MPP7: variants seen among roughly 807,000 people sequenced by gnomAD.
MPP7 encodes the protein MAGUK p55 subfamily member 7.
MPP7 carries 60 observed loss-of-function variants against 76.5 expected under a neutral mutation model. That is an observed-to-expected ratio of 0.78 (90% CI 0.64 to 0.97). MPP7 has a LOEUF of 0.97. Ranked by LOEUF, MPP7 falls within the 50% of genes least tolerant of loss-of-function variation. The pLI is 0.00. For synonymous variants in MPP7, 237 were observed against 244.5 expected, an observed-to-expected ratio of 0.97 and a Z score of 0.29; for missense variants, 641 against 694.0, an observed-to-expected ratio of 0.92 and a Z score of 0.86.
chr10:28,301,277 C>CA (rs997142302), intron 1 of MPP7, among the ~76,000 whole-genome samples: 1 of 151,952 alleles, frequency 6.6e-6, no homozygotes, highest in Non-Finnish European at 1.5e-5. Context: ...CTATTCAATT[C>CA]AAAAAAAGGT....
At chr10:28,183,632 A>T (rs948518723) in intron 3 of MPP7, among the ~76,000 whole-genome samples, 1 of 152,166 alleles carries the variant, frequency 6.6e-6, no homozygotes, top group South Asian at 2.1e-4. Context: ...AGCAAAAAAT[A>T]AAGAATTAGC....
At chr10:28,307,414 T>C (rs891201612), upstream of MPP7, 1 of 152,170 alleles carries the variant, frequency 6.6e-6, no homozygotes, top group Non-Finnish European at 1.5e-5. Flanking sequence ...AAAGAGCAAA[T>C]GCTCCTGCCA....
intron 3 of MPP7, among the ~76,000 whole-genome samples, chr10:28,198,552 G>A: frequency 6.6e-6 from 1 of 150,560 alleles, no homozygotes. Flanking sequence ...TCCAGCCTGG[G>A]CAACAGAGCA....
chr10:28,313,272 G>A (rs1301925986), intron 2 of MPP7, among the ~76,000 whole-genome samples: 1 of 152,118 alleles, frequency 6.6e-6, no homozygotes, highest in African/African-American at 2.4e-5. Context: ...TTGGGAGGCC[G>A]AGGCAGGAAG....
intron 5 of MPP7, among the ~76,000 whole-genome samples, chr10:28,143,855 C>G (rs1835609145): frequency 1.5e-5 from 2 of 134,448 alleles, no homozygotes; most frequent in African/African-American, 2.8e-5. Context: ...CAATCGTGTG[C>G]TGTGTGTGTG....
intron 2 of MPP7, among the ~76,000 whole-genome samples, chr10:28,222,891 A>G (rs1838563511): frequency 6.7e-6 from 1 of 149,282 alleles, no homozygotes; most frequent in Non-Finnish European, 1.5e-5. Context: ...AATTTTAGGT[A>G]GTATTACATA....
At chr10:28,111,046 C>T (rs1447615037) in intron 11 of MPP7, among the ~76,000 whole-genome samples, 1 of 152,026 alleles carries the variant, frequency 6.6e-6, no homozygotes, top group African/African-American at 2.4e-5. Context: ...TCAATTTAAT[C>T]CTACATATAT....
At chr10:28,149,806 T>G (rs576022555) in intron 4 of MPP7, among the ~76,000 whole-genome samples, 176 bp downstream of exon 4, 17 of 152,302 alleles carry the variant, frequency 1.1e-4, no homozygotes, top group Admixed American at 1.1e-3. Context: ...GAAAAGTGAA[T>G]GGAAATCAAC....
intron 16 of MPP7, among the ~76,000 whole-genome samples, chr10:28,055,442 G>T (rs1318140830): frequency 2.0e-5 from 3 of 151,772 alleles, no homozygotes; most frequent in Non-Finnish European, 4.4e-5. Flanking sequence ...AATTAAGAGG[G>T]GCAAGAAAAA....
intron 1 of MPP7, among the ~76,000 whole-genome samples, chr10:28,262,553 T>C (rs1165668334): frequency 6.6e-6 from 1 of 152,128 alleles, no homozygotes. Flanking sequence ...TACTCTAGTA[T>C]AAATGGCCTT....
At chr10:28,261,027 T>C (rs1353212959) in intron 1 of MPP7, among the ~76,000 whole-genome samples, 1 of 152,192 alleles carries the variant, frequency 6.6e-6, no homozygotes, top group Non-Finnish European at 1.5e-5. Context: ...TTTTCATAAG[T>C]CACTCCAGCA....
intron 12 of MPP7, among the ~76,000 whole-genome samples, chr10:28,085,462 G>A (rs1852961235): frequency 6.6e-6 from 1 of 152,214 alleles, no homozygotes; most frequent in African/African-American, 2.4e-5. Flanking sequence ...GTTGGGAACA[G>A]CAGAGGGTAG....
intron 3 of MPP7, among the ~76,000 whole-genome samples, chr10:28,169,139 G>T (rs1049032333): frequency 4.6e-5 from 7 of 152,026 alleles, no homozygotes; most frequent in Non-Finnish European, 1.0e-4. Context: ...ATGCCATCAG[G>T]TGTGGGTTGG....
At chr10:28,177,260 CAAAA>C (rs57984876) in intron 3 of MPP7, among the ~76,000 whole-genome samples, 52,200 of 104,760 alleles carry the variant, frequency 0.5, 13,013 homozygotes, top group Middle Eastern at 0.66. Context: ...ACTAAAAATG[CAAAA>C]AAAAAAAAAA....
chr10:28,222,303 A>G (rs116150120), intron 2 of MPP7, among the ~76,000 whole-genome samples: 1,815 of 151,906 alleles, frequency 0.012, 38 homozygotes, highest in African/African-American at 0.041. Flanking sequence ...GTTTGAGACC[A>G]GCCTGGGTAA....
At chr10:28,269,603 T>C (rs1840257891) in intron 1 of MPP7, among the ~76,000 whole-genome samples, 2 of 151,468 alleles carry the variant, frequency 1.3e-5, no homozygotes, top group South Asian at 4.2e-4. Context: ...CAAAGCTCAC[T>C]GCAGCCTCCA....
intron 5 of MPP7, among the ~76,000 whole-genome samples, chr10:28,132,087 G>A (rs1398440406): frequency 6.6e-6 from 1 of 152,164 alleles, no homozygotes; most frequent in Non-Finnish European, 1.5e-5. Context: ...ATGTCAAATA[G>A]AGTCTGAGAA....
intron 2 of MPP7, among the ~76,000 whole-genome samples, chr10:28,319,446 G>GC (rs988466988): frequency 6.6e-6 from 1 of 152,112 alleles, no homozygotes; most frequent in African/African-American, 2.4e-5. Flanking sequence ...GGAGGCTGAG[G>GC]CAGGTGGATT....
intron 2 of MPP7, among the ~76,000 whole-genome samples, chr10:28,213,291 C>T (rs1838203250): frequency 6.6e-6 from 1 of 151,924 alleles, no homozygotes; most frequent in Non-Finnish European, 1.5e-5. Flanking sequence ...TGTGAAGGAA[C>T]AGGGTCAAGC....
Sources: allele counts gnomAD v4.1 joint callset (sites outside exome capture counted in the v4.1 genomes callset), GRCh38; gene constraint gnomAD v4.1.1; transcripts MANE v1.5; gene names NCBI Gene and HGNC (gene_info 2026-07-23, HGNC 2026-07-21).